The following PAPPA2 variants were observed in gnomAD, a reference collection of about 807,000 sequenced individuals.
PAPPA2 encodes the protein pappalysin-2.
In PAPPA2, 86 loss-of-function variants were observed where a neutral mutation model predicts 176.4. That is an observed-to-expected ratio of 0.49 (90% confidence interval 0.41 to 0.58). The LOEUF is 0.58. Among genes scored for constraint, PAPPA2 ranks in the 20% least tolerant of loss-of-function variants. The pLI, the probability that PAPPA2 is intolerant of heterozygous loss-of-function variation, is 0.00. For synonymous variants in PAPPA2, 809 were observed against 852.2 expected (o/e 0.95, Z 0.88); for missense variants, 2,073 against 2,256.9 (o/e 0.92, Z 1.65).
rs1653906387 is a variant in PAPPA2, at chr1:176,595,272, G to T, written c.1668G>T (p.Glu556Asp). 5.0e-6 allele frequency: 8 copies of T among 1,614,214 alleles called. No individual in the cohort carries two copies. Among genetic ancestry groups the T allele is most frequent in the Non-Finnish European group, 6.8e-6 (8 of 1,180,044 alleles). The change falls in exon 3 of 23, where the codon GAG becomes GAT. Residue 556 changes from glutamate (E) to aspartate (D), a missense_variant. By Grantham distance (45) the Glu-to-Asp change is conservative. Transcript: ENST00000367662. ...GTCTGCAGCACGAGGCACTGAATGA[G>T]GCCTTCAGCCGCTACAACATCAGCT... The part of the protein sequence containing the change: ...QIRLQHEALN[E>D]AFSRYNISWQ...
At chr1:176,548,188 A>G (rs938502846) in intron 1 of PAPPA2, among the ~76,000 whole-genome samples, 2 of 152,182 alleles carry the variant, frequency 1.3e-5, no homozygotes, top group African/African-American at 4.8e-5. Context: ...AAAACATAAC[A>G]TGTATTTATC....
At chr1:176,673,402 C>G (rs1159961847) in intron 4 of PAPPA2, among the ~76,000 whole-genome samples, 1 of 152,082 alleles carries the variant, frequency 6.6e-6, no homozygotes. Flanking sequence ...ATATATAACA[C>G]TGTAAGAAAA....
intron 3 of PAPPA2, among the ~76,000 whole-genome samples, chr1:176,664,678 G>A (rs10798469): frequency 0.25 from 37,960 of 152,078 alleles, 4,879 homozygotes; most frequent in South Asian, 0.33. Flanking sequence ...AGTCCTTTCA[G>A]TCTCTGATTA....
chr1:176,588,044 G>T (rs536582221), intron 2 of PAPPA2, among the ~76,000 whole-genome samples: 1 of 152,164 alleles, frequency 6.6e-6, no homozygotes, highest in African/African-American at 2.4e-5. Flanking sequence ...TATCCATGAG[G>T]ATGGAATGTT....
chr1:176,574,542 A>G (rs1486176801), intron 2 of PAPPA2, among the ~76,000 whole-genome samples: 1 of 152,128 alleles, frequency 6.6e-6, no homozygotes, highest in African/African-American at 2.4e-5. Context: ...CCCTTTGGCT[A>G]TTTGTGGGTC....
intron 2 of PAPPA2, among the ~76,000 whole-genome samples, chr1:176,567,286 T>C (rs1461648562): frequency 1.2e-4 from 19 of 152,194 alleles, no homozygotes; most frequent in Admixed American, 1.2e-3. Context: ...TGCCCAAATA[T>C]AAAATGTGGA....
intron 14 of PAPPA2, among the ~76,000 whole-genome samples, chr1:176,761,201 G>A (rs1284102578): frequency 8.5e-5 from 13 of 152,266 alleles, no homozygotes; most frequent in East Asian, 3.9e-4. Context: ...TTATCAGAGC[G>A]GAGAGACAAA....
In PAPPA2 at chr1:176,699,271, T is replaced by C. The variant is rs1409213233; in HGVS notation, c.2918T>C (p.Phe973Ser). The C allele has an allele frequency of 6.2e-7, 1 of 1,614,118 alleles. No homozygotes were observed. Among genetic ancestry groups the C allele is most frequent in the Non-Finnish European group, 8.5e-7 (1 of 1,180,000 alleles). ...ACCCTCACCCTGTGGGTCACTTCCT[T>C]CTTCATGGAGTCCTCGCAGGTCCTC... is the stretch of plus-strand genomic sequence containing the variant. ...ADTLTLWVTSFFMESSQVLFD... is the reference protein window; with the variant it reads ...ADTLTLWVTSSFMESSQVLFD... Residue 973 changes from phenylalanine (F) to serine (S), a missense_variant, in exon 8 of 23, where the codon TTC becomes TCC. This residue lies in a region of PAPPA2 where 1,196 missense variants were observed against 1,330.4 expected (regional missense o/e 0.90). Transcript: ENST00000367662.
At chr1:176,680,487 G>C (rs1213428391) in intron 4 of PAPPA2, among the ~76,000 whole-genome samples, 2 of 151,978 alleles carry the variant, frequency 1.3e-5, no homozygotes, top group African/African-American at 4.8e-5. Context: ...TTTTTATTTT[G>C]AGATATTATA....
intron 1 of PAPPA2, among the ~76,000 whole-genome samples, chr1:176,532,762 G>T (rs1484457253): frequency 6.6e-6 from 1 of 152,198 alleles, no homozygotes; most frequent in East Asian, 1.9e-4. Context: ...GTCATGTCAT[G>T]TTTTTTATGT....
intron 1 of PAPPA2, among the ~76,000 whole-genome samples, chr1:176,540,441 T>C (rs1288445157): frequency 1.3e-5 from 2 of 152,224 alleles, no homozygotes; most frequent in Non-Finnish European, 2.9e-5. Context: ...AGTGCTTCAT[T>C]TGAAATTCTG....
At chr1:176,652,193 C>T (rs1351894586) in intron 3 of PAPPA2, among the ~76,000 whole-genome samples, 3 of 151,438 alleles carry the variant, frequency 2.0e-5, no homozygotes, top group African/African-American at 7.3e-5. Flanking sequence ...GCAGGGGGAT[C>T]CTGGTTCCCT....
At chr1:176,606,590 G>A (rs559513770) in intron 3 of PAPPA2, among the ~76,000 whole-genome samples, 1 of 152,058 alleles carries the variant, frequency 6.6e-6, no homozygotes, top group Non-Finnish European at 1.5e-5. Flanking sequence ...TCAGCCTCCC[G>A]AGTGGCTGGG....
At chr1:176,582,830 T>A (rs1425200876) in intron 2 of PAPPA2, among the ~76,000 whole-genome samples, 2 of 152,194 alleles carry the variant, frequency 1.3e-5, no homozygotes, top group African/African-American at 4.8e-5. Context: ...TTGAAAATAA[T>A]TCATATTAGT....
At chr1:176,727,246 A>G (rs1471885344) in intron 12 of PAPPA2, among the ~76,000 whole-genome samples, 1 of 152,120 alleles carries the variant, frequency 6.6e-6, no homozygotes, top group African/African-American at 2.4e-5. Flanking sequence ...CATTATTTAA[A>G]TTATCTAAAA....
intron 2 of PAPPA2, among the ~76,000 whole-genome samples, chr1:176,578,756 G>A (rs1506777): frequency 0.48 from 73,333 of 152,038 alleles, 20,921 homozygotes; most frequent in African/African-American, 0.79. Context: ...TTGATAACAT[G>A]TATCAGGCCT....
At chr1:176,653,756 A>G (rs1374159308) in intron 3 of PAPPA2, among the ~76,000 whole-genome samples, 1 of 151,358 alleles carries the variant, frequency 6.6e-6, no homozygotes, top group African/African-American at 2.4e-5. Flanking sequence ...CTGCAATCTG[A>G]TTCTGTCTCT....
chr1:176,615,250 T>C (rs919138681), intron 3 of PAPPA2, among the ~76,000 whole-genome samples: 2 of 152,210 alleles, frequency 1.3e-5, no homozygotes, highest in Admixed American at 1.3e-4. Flanking sequence ...TGTAAGACTT[T>C]TTTGTCTGAA....
At chr1:176,591,712 G>A (rs949982130) in intron 2 of PAPPA2, among the ~76,000 whole-genome samples, 5 of 151,962 alleles carry the variant, frequency 3.3e-5, no homozygotes, top group Non-Finnish European at 5.9e-5. Flanking sequence ...ACAGGTCCTC[G>A]TTTATCCTAA....
Sources: gnomAD v4.1 joint callset for allele counts (sites outside exome capture counted in the v4.1 genomes callset) on GRCh38, gnomAD v4.1.1 for gene constraint, gnomAD v4.1.1 regional missense constraint, MANE v1.5 for transcripts, NCBI Gene and HGNC (gene_info 2026-07-23, HGNC 2026-07-21) for gene names.